Variants in MAML3 observed in about 807,000 individuals in gnomAD.
MAML3 encodes mastermind like transcriptional coactivator 3, also known as mastermind-like protein 3.
Under a neutral mutation model 101.9 loss-of-function variants are expected in MAML3, and 27 were observed. The observed-to-expected ratio is 0.27, with a 90% CI of 0.20 to 0.37. MAML3 has a LOEUF of 0.37. MAML3 is among the 10% of genes least tolerant of loss of function. The probability of loss-of-function intolerance (pLI) is 1.00; values close to 1 mark genes in which losing one functional copy is unlikely to be tolerated. For synonymous variants in MAML3, 501 were observed against 555.9 expected, an observed-to-expected ratio of 0.90 and a Z score of 1.39; for missense variants, 1,316 against 1,444.9, an observed-to-expected ratio of 0.91 and a Z score of 1.45.
At chr4:139,837,481 C>T (rs28530781) in intron 2 of MAML3, among the ~76,000 whole-genome samples, 1 of 150,252 alleles carries the variant, frequency 6.7e-6, no homozygotes, top group Non-Finnish European at 1.5e-5. Context: ...CTGGGTGACA[C>T]AGCAAGACTC....
At chr4:139,733,394 C>T (rs1168412904) in intron 2 of MAML3, among the ~76,000 whole-genome samples, 1 of 151,948 alleles carries the variant, frequency 6.6e-6, no homozygotes. Flanking sequence ...GTGACCAGCC[C>T]GCACAGCTGG....
Position 139,719,208 on chromosome 4 carries a change from T to G in MAML3, c.*115A>C. 3 of 1,218,744 alleles carry G rather than the reference T, an allele frequency of 2.5e-6. No homozygotes were observed. Among genetic ancestry groups the G allele is most frequent in the Non-Finnish European group, 3.3e-6 (3 of 898,986 alleles). 75.5% of individuals were successfully genotyped at this position (1,218,744 alleles called of 1,614,324 possible). A position where few individuals can be genotyped will look rare whatever the true frequency, so the allele number is the denominator to read the frequency against. ...CTTCCATTGTCAGCCAGCTGCAGTT[T>G]TGCTCAGTTTACGTGGGTCAAAAAA... On this transcript the variant is annotated 3_prime_UTR_variant, in exon 5 of 5. Transcript: ENST00000509479.
At chr4:140,096,980 G>C (rs559513688) in intron 1 of MAML3, among the ~76,000 whole-genome samples, 1 of 152,082 alleles carries the variant, frequency 6.6e-6, no homozygotes, top group Non-Finnish European at 1.5e-5. Context: ...TGACAAATGA[G>C]CCATTGCTTA....
At chr4:139,942,398 G>A (rs1399860301) in intron 1 of MAML3, among the ~76,000 whole-genome samples, 1 of 152,158 alleles carries the variant, frequency 6.6e-6, no homozygotes, top group East Asian at 1.9e-4. Context: ...CCTATGCCCT[G>A]CTACAAACAT....
At chr4:139,865,088 C>G (rs1731872020) in intron 2 of MAML3, among the ~76,000 whole-genome samples, 2 of 152,122 alleles carry the variant, frequency 1.3e-5, no homozygotes, top group South Asian at 4.1e-4. Context: ...TTCTACCAAG[C>G]ATATTTGGGC....
chr4:139,824,844 C>G (rs1270389189), intron 2 of MAML3, among the ~76,000 whole-genome samples: 1 of 151,334 alleles, frequency 6.6e-6, no homozygotes, highest in East Asian at 1.9e-4. Flanking sequence ...CTACTTACCA[C>G]CCCCGCCCCA....
intron 1 of MAML3, among the ~76,000 whole-genome samples, chr4:140,143,044 G>C (rs1729001057): frequency 6.6e-6 from 1 of 152,206 alleles, no homozygotes; most frequent in African/African-American, 2.4e-5. Context: ...AGCAATGCTT[G>C]CAAGAAGATA....
chr4:139,974,676 G>A (rs939683611), intron 1 of MAML3, among the ~76,000 whole-genome samples: 1 of 151,986 alleles, frequency 6.6e-6, no homozygotes, highest in Non-Finnish European at 1.5e-5. Context: ...ACCTTTCAAT[G>A]CCTACGTAGA....
intron 1 of MAML3, among the ~76,000 whole-genome samples, chr4:139,985,487 G>A (rs17313967): frequency 0.29 from 43,674 of 152,138 alleles, 7,428 homozygotes; most frequent in East Asian, 0.62. Flanking sequence ...ACAACAAAAG[G>A]TCAGTGCCTT....
intron 2 of MAML3, among the ~76,000 whole-genome samples, chr4:139,769,087 T>A (rs1310617053): frequency 6.6e-6 from 1 of 152,100 alleles, no homozygotes; most frequent in Non-Finnish European, 1.5e-5. Context: ...CGCCTCCTGG[T>A]GTTTACTAAA....
chr4:140,037,536 A>G (rs1727006135), intron 1 of MAML3, among the ~76,000 whole-genome samples: 1 of 152,246 alleles, frequency 6.6e-6, no homozygotes, highest in Non-Finnish European at 1.5e-5. Context: ...TATGTCTACA[A>G]GATTCCATCT....
chr4:139,792,596 C>T (rs1415971913), intron 2 of MAML3, among the ~76,000 whole-genome samples: 1 of 152,120 alleles, frequency 6.6e-6, no homozygotes, highest in Non-Finnish European at 1.5e-5. Context: ...CAGACAGCAA[C>T]AAAACAAATG....
chr4:139,731,623 A>T (rs1027696401), intron 2 of MAML3, among the ~76,000 whole-genome samples: 3 of 152,054 alleles, frequency 2.0e-5, no homozygotes, highest in Admixed American at 2.0e-4. Context: ...TCTCAAAAAA[A>T]AAGAATTGAG....
At chr4:140,056,831 T>C (rs1727357725) in intron 1 of MAML3, among the ~76,000 whole-genome samples, 1 of 151,362 alleles carries the variant, frequency 6.6e-6, no homozygotes, top group African/African-American at 2.4e-5. Context: ...AAAGGTTCTA[T>C]CCCACTCTAA....
intron 2 of MAML3, among the ~76,000 whole-genome samples, chr4:139,775,866 AT>A (rs1344777458): frequency 2.0e-5 from 3 of 152,196 alleles, no homozygotes; most frequent in Admixed American, 6.5e-5. Flanking sequence ...AGTTTAAAGC[AT>A]TTTATGGTTC....
intron 2 of MAML3, among the ~76,000 whole-genome samples, chr4:139,750,106 G>C (rs890394957): frequency 6.6e-6 from 1 of 152,080 alleles, no homozygotes; most frequent in Non-Finnish European, 1.5e-5. Context: ...GAGTGCTTTG[G>C]AATTCATCTG....
At chr4:140,043,616 C>T (rs2110911875) in intron 1 of MAML3, among the ~76,000 whole-genome samples, 1 of 152,230 alleles carries the variant, frequency 6.6e-6, no homozygotes, top group South Asian at 2.1e-4. Context: ...GGCCAACAGC[C>T]ACAATAAAAT....
chr4:139,988,695 G>A (rs1237890125), intron 1 of MAML3, among the ~76,000 whole-genome samples: 3 of 152,160 alleles, frequency 2.0e-5, no homozygotes, highest in Non-Finnish European at 2.9e-5. Flanking sequence ...TCTTGACTGG[G>A]GTGGTGGTTA....
intron 1 of MAML3, among the ~76,000 whole-genome samples, chr4:140,022,324 A>G (rs774249461): frequency 2.0e-5 from 3 of 152,174 alleles, no homozygotes; most frequent in Non-Finnish European, 4.4e-5. Flanking sequence ...ACCCCCAAAA[A>G]ACTATTGGAA....
Sources: allele counts gnomAD v4.1 joint callset (sites outside exome capture counted in the v4.1 genomes callset), GRCh38; gene constraint gnomAD v4.1.1; transcripts MANE v1.5; gene names NCBI Gene and HGNC (gene_info 2026-07-23, HGNC 2026-07-21).